USP30: variants seen among roughly 807,000 people sequenced by gnomAD.
USP30 encodes ubiquitin carboxyl-terminal hydrolase 30.
Under a neutral mutation model 68.2 loss-of-function variants are expected in USP30, and 41 were observed. That is an observed-to-expected ratio of 0.60 (90% CI 0.47 to 0.78). The LOEUF is 0.78. USP30 is among the 30% of genes least tolerant of loss of function. The probability of loss-of-function intolerance (pLI) is 0.00; values close to 1 mark genes in which losing one functional copy is unlikely to be tolerated. For synonymous variants in USP30, 229 were observed against 253.7 expected, an observed-to-expected ratio of 0.90 and a Z score of 0.93; for missense variants, 522 against 649.4, an observed-to-expected ratio of 0.80 and a Z score of 2.13.
chr12:109,067,189 C>T (rs993018339), intron 3 of USP30, among the ~76,000 whole-genome samples: 10 of 145,976 alleles, frequency 6.9e-5, no homozygotes, highest in African/African-American at 2.0e-4. Flanking sequence ...TGTCTGCTCA[C>T]TGCAAGCTCC....
intron 7 of USP30, among the ~76,000 whole-genome samples, chr12:109,079,351 CTTTTTTTTTTTTTTTTT>C (rs71079521): frequency 4.1e-5 from 2 of 48,760 alleles, no homozygotes; most frequent in Non-Finnish European, 3.6e-5. Context: ...TTTTTTTTTT[CTTTTTTTTTTTTTTTTT>C]TTTTTTTTTT....
rs576735484 is a variant in USP30 at position 109,056,426 on chromosome 12, C to G, written c.84-256C>G. Among the ~76,000 whole-genome samples, 22 of 152,262 alleles carry G rather than the reference C, an allele frequency of 1.4e-4. 1 individual carries two copies. In the South Asian group the frequency reaches 4.6e-3, roughly 32 times the overall value. On this transcript the variant is annotated intron_variant, in intron 1 of 12. Coordinates refer to ENST00000257548, the MANE Select transcript of USP30 (RefSeq NM_032663.5). ...CAGGCTGATCTCAAACTCTGGGGTT[C>G]AAAGGATCCTCCTGCCTTGACTTCC...
intron 3 of USP30, among the ~76,000 whole-genome samples, chr12:109,065,214 G>T (rs1223952346): frequency 1.3e-5 from 2 of 152,102 alleles, no homozygotes; most frequent in Admixed American, 6.6e-5. Flanking sequence ...TGAGAGGCAG[G>T]CTTCTGTATT....
At chr12:109,033,809 C>G (rs1045173191) in intron 3 of USP30, among the ~76,000 whole-genome samples, 6 of 152,018 alleles carry the variant, frequency 3.9e-5, no homozygotes, top group Non-Finnish European at 8.8e-5. Context: ...GAGGTTAAGC[C>G]CTTGTTAAAT....
intron 7 of USP30, among the ~76,000 whole-genome samples, chr12:109,074,362 T>C (rs2135787698): frequency 6.6e-6 from 1 of 152,348 alleles, no homozygotes; most frequent in South Asian, 2.1e-4. Context: ...TGTGGACATA[T>C]ATTTTCACTT....
At chr12:109,059,714 TG>T (rs1348818724) in intron 3 of USP30, among the ~76,000 whole-genome samples, 1 of 152,104 alleles carries the variant, frequency 6.6e-6, no homozygotes, top group African/African-American at 2.4e-5. Flanking sequence ...GTGTTCGCCA[TG>T]TTAGCCAGAC....
chr12:109,023,510 G>A (rs1314189989), intron 1 of USP30, among the ~76,000 whole-genome samples: 4 of 151,954 alleles, frequency 2.6e-5, no homozygotes, highest in African/African-American at 4.8e-5. Flanking sequence ...AGCTGAGATC[G>A]CGCCACTGCA....
At position 109,068,291 on chromosome 12, in the gene USP30, G is replaced by A. The variant is rs144028464; in HGVS notation, c.480+664G>A. 2.7e-3 allele frequency among the ~76,000 whole-genome samples: 411 copies of A among 152,334 alleles called. 1 individual carries two copies. Among genetic ancestry groups the A allele is most frequent in the African/African-American group, 9.2e-3 (382 of 41,586 alleles). On this transcript the variant is annotated intron_variant, in intron 4 of 12. Transcript: ENST00000257548. Reference sequence around the variant, plus strand: ...ACAGCCACACTTCCAAGATGGCCTTGTCCAGCTTCGTGTAGGCGTTGTCTG... The same window carrying A: ...ACAGCCACACTTCCAAGATGGCCTTATCCAGCTTCGTGTAGGCGTTGTCTG...
intron 3 of USP30, among the ~76,000 whole-genome samples, chr12:109,037,314 C>T (rs1218992306): frequency 6.6e-6 from 1 of 152,124 alleles, no homozygotes; most frequent in Non-Finnish European, 1.5e-5. Context: ...TTTGGGGAGA[C>T]ATTGTTCTCA....
chr12:109,052,888 C>A, intron 1 of USP30, 127 bp downstream of exon 1: 1 of 1,022,610 alleles, frequency 9.8e-7, no homozygotes, highest in Non-Finnish European at 1.3e-6. Flanking sequence ...GAAGGTTCTG[C>A]GTCCTTTAGG....
intron 3 of USP30, among the ~76,000 whole-genome samples, chr12:109,036,999 T>G (rs1040631496): frequency 6.6e-6 from 1 of 152,230 alleles, no homozygotes; most frequent in Non-Finnish European, 1.5e-5. Context: ...TCTTTTTTTC[T>G]TCAGGTATTT....
chr12:109,076,184 A>G (rs1458192103), intron 7 of USP30, among the ~76,000 whole-genome samples: 1 of 152,160 alleles, frequency 6.6e-6, no homozygotes, highest in Admixed American at 6.5e-5. Context: ...TTGTAAGTGG[A>G]ATTTAAAAAA....
rs1054942084 is a variant in USP30 at position 109,068,344 on chromosome 12, G to A, written c.480+717G>A. Reference sequence around the variant, plus strand: ...GCCACTATCCAGAGAAATGGGAGGCGGCATCTTGGACCTCCCAAAACTGTG... The same window carrying A: ...GCCACTATCCAGAGAAATGGGAGGCAGCATCTTGGACCTCCCAAAACTGTG... On this transcript the variant is annotated intron_variant, in intron 4 of 12. Transcript: ENST00000257548. Among the ~76,000 whole-genome samples, 12 of 152,270 alleles carry A rather than the reference G, an allele frequency of 7.9e-5. No individual in the cohort carries two copies. The East Asian group carries it at 2.1e-3, about 27-fold the overall frequency.
At chr12:109,038,876 C>G (rs1452759862) in intron 3 of USP30, among the ~76,000 whole-genome samples, 5 of 152,180 alleles carry the variant, frequency 3.3e-5, no homozygotes, top group African/African-American at 1.2e-4. Context: ...TGTTGACCAT[C>G]TTTTCATGTG....
rs764391497 is a variant in USP30 at position 109,085,051 on chromosome 12, C to A, written c.1267C>A (p.Leu423Ile). Residue 423 changes from leucine to isoleucine, a missense_variant, in exon 12 of 13, where the codon CTC becomes ATC. By Grantham distance (5) the Leu-to-Ile change is conservative (BLOSUM62 2). Transcript: ENST00000257548. Reference sequence around the variant, plus strand: ...GCTGTCAGCGCCGATGCCCTTCCCTCTCCCAGTTGTTCCCGACTACAGGTG... The same window carrying A: ...GCTGTCAGCGCCGATGCCCTTCCCTATCCCAGTTGTTCCCGACTACAGGTG... ...PTLSAPMPFP[L>I]PVVPDYSSST... 3.1e-6 allele frequency: 5 copies of A among 1,596,174 alleles called. No homozygotes were observed. In the East Asian group the frequency reaches 1.1e-4, roughly 36 times the overall value.
At chr12:109,037,407 T>C (rs1216912777) in intron 3 of USP30, among the ~76,000 whole-genome samples, 1 of 152,246 alleles carries the variant, frequency 6.6e-6, no homozygotes, top group Non-Finnish European at 1.5e-5. Context: ...AAGTTCAATG[T>C]CTGGACTTCC....
At chr12:109,084,511 C>T (rs961735087) in intron 11 of USP30, among the ~76,000 whole-genome samples, 4 of 152,172 alleles carry the variant, frequency 2.6e-5, no homozygotes, top group African/African-American at 9.6e-5. Flanking sequence ...AGGGGTGCTA[C>T]TGGTGTCTAG....
intron 3 of USP30, among the ~76,000 whole-genome samples, chr12:109,042,157 A>G (rs1212051861): frequency 6.6e-6 from 1 of 151,422 alleles, no homozygotes; most frequent in Non-Finnish European, 1.5e-5. Flanking sequence ...CATTTATTGT[A>G]TTAGCTGACC....
intron 3 of USP30, among the ~76,000 whole-genome samples, chr12:109,041,640 A>G (rs902177402): frequency 1.3e-5 from 2 of 151,874 alleles, no homozygotes; most frequent in African/African-American, 4.8e-5. Flanking sequence ...ATTTCAAAAA[A>G]AAAAAGAAAA....
Sources: allele counts gnomAD v4.1 joint callset (sites outside exome capture counted in the v4.1 genomes callset), GRCh38; gene constraint gnomAD v4.1.1; transcripts MANE v1.5; gene names NCBI Gene and HGNC (gene_info 2026-07-23, HGNC 2026-07-21).